Variants in ELMO1 observed in about 807,000 individuals in gnomAD.
ELMO1 encodes the protein engulfment and cell motility 1, also known as engulfment and cell motility protein 1.
A neutral mutation model predicts 98.9 loss-of-function variants in ELMO1; 26 were observed. The observed-to-expected ratio is 0.26, with a 90% CI of 0.19 to 0.36. ELMO1 has a LOEUF of 0.36. Ranked by LOEUF, ELMO1 falls within the 10% of genes least tolerant of loss-of-function variation. The pLI, the probability that ELMO1 is intolerant of heterozygous loss-of-function variation, is 1.00. For synonymous variants in ELMO1, 346 were observed against 346.0 expected (o/e 1.00, Z 0.00); for missense variants, 627 against 935.2 (o/e 0.67, Z 4.30).
chr7:36,901,544 T>A (rs1806505513), intron 16 of ELMO1, among the ~76,000 whole-genome samples: 1 of 152,180 alleles, frequency 6.6e-6, no homozygotes, highest in African/African-American at 2.4e-5. Flanking sequence ...GTGGGCTGGA[T>A]TTGGCCTGCA....
intron 16 of ELMO1, among the ~76,000 whole-genome samples, chr7:36,907,759 C>T (rs1784064518): frequency 6.6e-6 from 1 of 152,202 alleles, no homozygotes; most frequent in Non-Finnish European, 1.5e-5. Context: ...TGGCACATAT[C>T]CCACCACTCC....
intron 1 of ELMO1, among the ~76,000 whole-genome samples, chr7:37,410,337 A>G (rs1484683619): frequency 3.3e-5 from 5 of 152,254 alleles, no homozygotes; most frequent in Non-Finnish European, 7.3e-5. Flanking sequence ...CAAGTTTAGT[A>G]AAACCTGGTA....
chr7:37,016,058 T>G (rs1793911754), intron 15 of ELMO1, among the ~76,000 whole-genome samples: 1 of 152,244 alleles, frequency 6.6e-6, no homozygotes, highest in African/African-American at 2.4e-5. Flanking sequence ...AATCTTCAGC[T>G]GTACCTTAAA....
intron 14 of ELMO1, among the ~76,000 whole-genome samples, chr7:37,112,913 C>CA (rs1785336036): frequency 6.6e-6 from 1 of 152,178 alleles, no homozygotes; most frequent in Admixed American, 6.5e-5. Flanking sequence ...TATACCAATA[C>CA]AAAATCCCTT....
intron 4 of ELMO1, among the ~76,000 whole-genome samples, chr7:37,314,021 T>C (rs977234177): frequency 6.6e-6 from 1 of 152,192 alleles, no homozygotes; most frequent in Non-Finnish European, 1.5e-5. Flanking sequence ...CAACCTAAAG[T>C]TGTGTCGGAT....
chr7:37,443,469 T>C (rs145193930), intron 1 of ELMO1, among the ~76,000 whole-genome samples: 1 of 152,322 alleles, frequency 6.6e-6, no homozygotes, highest in East Asian at 1.9e-4. Context: ...GTTACTGTAG[T>C]TAATTCTGTT....
At chr7:37,063,077 T>C (rs1284835288) in intron 15 of ELMO1, among the ~76,000 whole-genome samples, 1 of 152,190 alleles carries the variant, frequency 6.6e-6, no homozygotes, top group African/African-American at 2.4e-5. Flanking sequence ...ACCATACCTG[T>C]GGTGTACCTT....
chr7:37,244,549 AAT>A (rs1291637454), intron 6 of ELMO1, among the ~76,000 whole-genome samples, 158 bp from the exon 7 acceptor site: 1 of 152,234 alleles, frequency 6.6e-6, no homozygotes, highest in Non-Finnish European at 1.5e-5. Flanking sequence ...CATTCAAAGT[AAT>A]AAACTGGTGT....
At chr7:36,859,353 T>G (rs1331710590) in intron 21 of ELMO1, among the ~76,000 whole-genome samples, 1 of 152,226 alleles carries the variant, frequency 6.6e-6, no homozygotes, top group African/African-American at 2.4e-5. Context: ...TGTTGGGAAA[T>G]GCATACAGGA....
At chr7:36,867,709 T>C (rs1803144445) in intron 20 of ELMO1, among the ~76,000 whole-genome samples, 1 of 152,148 alleles carries the variant, frequency 6.6e-6, no homozygotes, top group Non-Finnish European at 1.5e-5. Flanking sequence ...TGGATTTTCA[T>C]TTTATTTAGT....
intron 17 of ELMO1, 86 bp downstream of exon 17, chr7:36,894,768 A>G: frequency 6.4e-7 from 1 of 1,560,466 alleles, no homozygotes. Flanking sequence ...AGCTCACAAC[A>G]CAGCCCAGCT....
At chr7:36,881,600 T>C (rs1216601946) in intron 18 of ELMO1, among the ~76,000 whole-genome samples, 2 of 152,198 alleles carry the variant, frequency 1.3e-5, no homozygotes, top group African/African-American at 4.8e-5. Context: ...TAGCCAGGCT[T>C]CATCTCCAAA....
At chr7:36,918,228 G>T (rs1346913855) in intron 16 of ELMO1, among the ~76,000 whole-genome samples, 1 of 152,032 alleles carries the variant, frequency 6.6e-6, no homozygotes, top group African/African-American at 2.4e-5. Flanking sequence ...ATATCTGAGG[G>T]CCAATTAATT....
chr7:37,224,905 G>A lies in ELMO1; in HGVS notation c.675C>T (p.Ile225=), dbSNP rs747999004. ...CTTGCAGGTGTGGAATGAGCTGGCCGATGGTGATCTCCTGCGCCACTTTCT... is the reference window on the plus strand; with the variant it reads ...CTTGCAGGTGTGGAATGAGCTGGCCAATGGTGATCTCCTGCGCCACTTTCT... ...LYQKVAQEIT[I]GQLIPHLQGS... Residue 225 remains isoleucine (I), a synonymous_variant, in exon 9 of 22, where the codon ATC becomes ATT. Coordinates refer to ENST00000310758, the MANE Select transcript of ELMO1 (RefSeq NM_014800.11). 34 of 1,614,078 alleles carry A rather than the reference G, an allele frequency of 2.1e-5. No individual in the cohort carries two copies. The Middle Eastern group carries it at 1.5e-3, about 71-fold the overall frequency.
At chr7:37,329,471 A>G (rs540549898) in intron 2 of ELMO1, among the ~76,000 whole-genome samples, 36 of 152,230 alleles carry the variant, frequency 2.4e-4, no homozygotes, top group African/African-American at 7.9e-4. Flanking sequence ...GTTTGGACCC[A>G]TGTGGGTTTT....
chr7:37,201,443 A>G (rs1348109027), intron 13 of ELMO1, among the ~76,000 whole-genome samples: 1 of 152,310 alleles, frequency 6.6e-6, no homozygotes, highest in East Asian at 1.9e-4. Context: ...TTCATGACAG[A>G]GTAAGGAAAA....
In ELMO1 at chr7:37,375,922, C is replaced by T. The variant is rs368279245; in HGVS notation, c.-73-33159G>A. 9 of 640,944 alleles carry T rather than the reference C, an allele frequency of 1.4e-5. 1 individual carries two copies. The East Asian group carries it at 1.8e-4, about 12-fold the overall frequency. 39.7% of individuals were successfully genotyped at this position (640,944 alleles called of 1,614,324 possible). On this transcript the variant is annotated intron_variant, in intron 1 of 21. Coordinates refer to ENST00000310758, the MANE Select transcript of ELMO1 (RefSeq NM_014800.11). ...TACGTGCAGACATAGTGCTGCTGTG[C>T]CTCCTGGTGCCAACAAGAAAGTAGA...
Position 37,225,133 on chromosome 7 carries a change from C to G in ELMO1, c.550-103G>C, listed in dbSNP as rs143405352. 1.4e-5 allele frequency: 20 copies of G among 1,398,714 alleles called. No individual in the cohort carries two copies. The Admixed American group carries it at 3.8e-4, about 26-fold the overall frequency. 86.6% of individuals were successfully genotyped at this position (1,398,714 alleles called of 1,614,324 possible). A position where few individuals can be genotyped will look rare whatever the true frequency, so the allele number is the denominator to read the frequency against. On this transcript the variant is annotated intron_variant, in intron 8 of 21. Transcript: ENST00000310758. ...AATCGGGAACTCATTTAAGAAACAC[C>G]AGGCACTGAGGATGACCTGGAATTA...
At chr7:37,275,402 G>A (rs1348088331) in intron 4 of ELMO1, among the ~76,000 whole-genome samples, 4 of 152,216 alleles carry the variant, frequency 2.6e-5, no homozygotes, top group African/African-American at 9.6e-5. Context: ...AAAGGGTCTT[G>A]ATGATTGTTT....
Sources: gnomAD v4.1 joint callset for allele counts (sites outside exome capture counted in the v4.1 genomes callset) on GRCh38, gnomAD v4.1.1 for gene constraint, MANE v1.5 for transcripts, NCBI Gene and HGNC (gene_info 2026-07-23, HGNC 2026-07-21) for gene names.